The following TMEM40 variants were observed in gnomAD, a reference collection of about 807,000 sequenced individuals.
The protein encoded by TMEM40 is transmembrane protein 40.
A neutral mutation model predicts 40.8 loss-of-function variants in TMEM40; 34 were observed. The observed-to-expected ratio is 0.83, with a 90% CI of 0.63 to 1.11. The LOEUF is 1.11. Among genes scored for constraint, TMEM40 ranks in the 50% least tolerant of loss-of-function variants. The pLI is 0.00. For missense variants in TMEM40, 296 were observed against 280.2 expected (o/e 1.06, Z -0.40); for synonymous variants, 106 against 107.0 (o/e 0.99, Z 0.06).
chr3:12,743,910 G>A lies in TMEM40; in HGVS notation c.291C>T (p.Asn97=), dbSNP rs115733141. The change falls in exon 4 of 12, where the codon AAC becomes AAT. Residue 97 remains asparagine (N), a synonymous_variant. Transcript: ENST00000314124. ...RSLGAGYPHG[N]GSPGPGHGEP... is the part of the protein sequence containing the mutation. ...AGGCCTATTTCCTACCGGGTGAGCC[G>A]TTCCCGTGGGGGTATCCAGCCCCCA... The A allele has an allele frequency of 3.6e-3, 5,797 of 1,613,162 alleles. 147 individuals are homozygous for A. In the African/African-American group the frequency reaches 0.061, roughly 17 times the overall value.
At chr3:12,748,309 T>C (rs899966591) in intron 3 of TMEM40, among the ~76,000 whole-genome samples, 2 of 152,218 alleles carry the variant, frequency 1.3e-5, no homozygotes, top group Admixed American at 1.3e-4. Context: ...GCTTTGACTA[T>C]GGCACTGGGG....
At chr3:12,740,467 C>T (rs184660803) in intron 5 of TMEM40, among the ~76,000 whole-genome samples, 98 of 147,590 alleles carry the variant, frequency 6.6e-4, no homozygotes, top group African/African-American at 2.4e-3. Context: ...TTTGGGAGGC[C>T]GAGGCGGGTG....
chr3:12,753,081 CA>C (rs1436234857), intron 1 of TMEM40, among the ~76,000 whole-genome samples: 2 of 152,144 alleles, frequency 1.3e-5, no homozygotes, highest in African/African-American at 4.8e-5. Context: ...GTCTTTAGCA[CA>C]CTGAAGGGGA....
At chr3:12,742,042 C>T (rs1474727724) in intron 5 of TMEM40, among the ~76,000 whole-genome samples, 1 of 152,118 alleles carries the variant, frequency 6.6e-6, no homozygotes, top group East Asian at 1.9e-4. Flanking sequence ...CCATCCTGGC[C>T]AACATAGTGA....
At chr3:12,766,839 G>A (rs994272470) in intron 1 of TMEM40, among the ~76,000 whole-genome samples, 5 of 149,550 alleles carry the variant, frequency 3.3e-5, no homozygotes, top group African/African-American at 1.3e-4. Flanking sequence ...GGAGTTTAGG[G>A]GCAGAGGGGG....
At chr3:12,756,860 T>A (rs1039136252) in intron 1 of TMEM40, among the ~76,000 whole-genome samples, 1 of 150,972 alleles carries the variant, frequency 6.6e-6, no homozygotes, top group African/African-American at 2.4e-5. Context: ...ATATACACAC[T>A]CTCTCTCTCA....
At chr3:12,766,423 A>G (rs148617170) in intron 1 of TMEM40, among the ~76,000 whole-genome samples, 17,300 of 151,732 alleles carry the variant, frequency 0.11, 2,852 homozygotes, top group African/African-American at 0.37. Flanking sequence ...GTGAAACCCC[A>G]TCTCTACTAA....
At chr3:12,754,752 G>C (rs1325081845) in intron 1 of TMEM40, among the ~76,000 whole-genome samples, 1 of 152,100 alleles carries the variant, frequency 6.6e-6, no homozygotes, top group Non-Finnish European at 1.5e-5. Flanking sequence ...TGGGGAGCAG[G>C]GCACTTGACC....
rs1461685083 is a variant in TMEM40, at chr3:12,737,990, A to G, written c.424+146T>C. On this transcript the variant is annotated intron_variant, in intron 7 of 11. Transcript: ENST00000314124. ...TTCCTTTCCATTTCCCCTGCACTGG[A>G]GATCCCCCTTCTGAATCATAGTGAC... is the stretch of plus-strand genomic sequence containing the variant. 2.7e-6 allele frequency: 3 copies of G among 1,113,284 alleles called. No individual in the cohort carries two copies. The African/African-American group carries it at 4.7e-5, about 17-fold the overall frequency. The allele number at this position is 1,113,284 out of a possible 1,614,324, so 69.0% of individuals were successfully genotyped here. A position where few individuals can be genotyped will look rare whatever the true frequency, so the allele number is the denominator to read the frequency against.
intron 1 of TMEM40, among the ~76,000 whole-genome samples, chr3:12,758,737 GT>G (rs1559535065): frequency 6.6e-6 from 1 of 152,214 alleles, no homozygotes; most frequent in Non-Finnish European, 1.5e-5. Context: ...GCAGCTGCCT[GT>G]AGTCACTGAT....
chr3:12,760,507 C>T (rs1205249586), upstream of TMEM40, among the ~76,000 whole-genome samples: 7 of 151,984 alleles, frequency 4.6e-5, no homozygotes, highest in African/African-American at 1.2e-4. Context: ...GAGTGCTCTC[C>T]CCCTAGAAAG....
chr3:12,737,652 C>G (rs1176930279), intron 8 of TMEM40, 55 bp downstream of exon 8: 2 of 1,558,774 alleles, frequency 1.3e-6, no homozygotes, highest in Non-Finnish European at 1.8e-6. Flanking sequence ...TGCATTTCAC[C>G]CCTAGAAATC....
intron 4 of TMEM40, among the ~76,000 whole-genome samples, chr3:12,743,204 A>G (rs990288391): frequency 1.3e-5 from 2 of 152,220 alleles, no homozygotes; most frequent in Non-Finnish European, 2.9e-5. Context: ...ACGGTGGCTC[A>G]CCTCTGTAAT....
In TMEM40 at chr3:12,753,946, C is replaced by T. The variant is rs969355404; in HGVS notation, c.-8-4106G>A. On this transcript the variant is annotated intron_variant, in intron 1 of 11. Transcript: ENST00000314124. ...ACAGCCTCACAGCACTCTCCTCTCC[C>T]AGCTCTCTTGACTCTCACACAACCA... Among the ~76,000 whole-genome samples the T allele has an allele frequency of 2.6e-5, 4 of 152,138 alleles. No homozygotes were observed. In the East Asian group the frequency reaches 7.7e-4, roughly 29 times the overall value.
At chr3:12,760,505 T>TC (rs1279042759), upstream of TMEM40, among the ~76,000 whole-genome samples, 23 of 151,678 alleles carry the variant, frequency 1.5e-4, 1 homozygote, top group Admixed American at 1.5e-3. Context: ...TGGAGTGCTC[T>TC]CCCCCTAGAA....
At chr3:12,766,611 G>A (rs1388294060) in intron 1 of TMEM40, among the ~76,000 whole-genome samples, 1 of 151,024 alleles carries the variant, frequency 6.6e-6, no homozygotes, top group Non-Finnish European at 1.5e-5. Context: ...AAAAAAAAAG[G>A]ATTATTTATA....
chr3:12,768,924 CGGGGCGGGGCGGGG>C (rs1559538151), intron 1 of TMEM40, among the ~76,000 whole-genome samples: 3 of 98,684 alleles, frequency 3.0e-5, no homozygotes, highest in Non-Finnish European at 6.1e-5. Flanking sequence ...GGGCCGGGGC[CGGGGCGGGGCGGGG>C]GGGGCGGGGG....
intron 3 of TMEM40, among the ~76,000 whole-genome samples, chr3:12,747,060 G>A (rs2061434350): frequency 6.6e-6 from 1 of 152,106 alleles, no homozygotes; most frequent in Admixed American, 6.5e-5. Flanking sequence ...GTGCCATGAG[G>A]AGACTGGCTA....
chr3:12,766,935 T>A (rs2061597059), intron 1 of TMEM40, among the ~76,000 whole-genome samples: 1 of 152,182 alleles, frequency 6.6e-6, no homozygotes, highest in South Asian at 2.1e-4. Flanking sequence ...CCCTACCCTC[T>A]CATCCTGGAT....
Sources: allele counts gnomAD v4.1 joint callset (sites outside exome capture counted in the v4.1 genomes callset), GRCh38; gene constraint gnomAD v4.1.1; transcripts MANE v1.5; gene names NCBI Gene and HGNC (gene_info 2026-07-23, HGNC 2026-07-21).